The following ZNF423 variants were observed in gnomAD, a reference collection of about 807,000 sequenced individuals.
ZNF423 encodes the protein Ebf-associated zinc finger protein.
Under a neutral mutation model 95.8 loss-of-function variants are expected in ZNF423, and 12 were observed. The observed-to-expected ratio is 0.13, with a 90% CI of 0.08 to 0.20. ZNF423 has a LOEUF of 0.20. Among genes scored for constraint, ZNF423 ranks in the 10% least tolerant of loss-of-function variants. The pLI is 1.00. For missense variants in ZNF423, 1,316 were observed against 1,737.1 expected, an observed-to-expected ratio of 0.76 and a Z score of 4.31; for synonymous variants, 749 against 711.9, an observed-to-expected ratio of 1.05 and a Z score of -0.83.
chr16:49,561,915 C>T (rs1171578077), intron 5 of ZNF423, among the ~76,000 whole-genome samples: 2 of 152,136 alleles, frequency 1.3e-5, no homozygotes, highest in Non-Finnish European at 1.5e-5. Flanking sequence ...GCTTTGAGGG[C>T]TGATTGACAA....
upstream of ZNF423, chr16:49,857,709 T>A (rs1408977419): frequency 6.6e-6 from 1 of 152,330 alleles, no homozygotes; most frequent in South Asian, 2.1e-4. The surrounding 1 kb of genome is among the most constrained non-coding windows in gnomAD (Gnocchi z 6.2). Flanking sequence ...GGTGTGCACT[T>A]CCTCTGTCCG....
chr16:49,495,051 G>T (rs1967106723), intron 7 of ZNF423, among the ~76,000 whole-genome samples: 1 of 152,234 alleles, frequency 6.6e-6, no homozygotes, highest in South Asian at 2.1e-4. Context: ...AAGGCTGGGG[G>T]TGGAGACAGG....
chr16:49,560,597 G>C (rs1465796098), intron 5 of ZNF423, among the ~76,000 whole-genome samples: 3 of 152,198 alleles, frequency 2.0e-5, no homozygotes, highest in Non-Finnish European at 2.9e-5. Context: ...GTGTGGGAAG[G>C]AATATGAATG....
intron 7 of ZNF423, among the ~76,000 whole-genome samples, chr16:49,521,151 C>A (rs1286622346): frequency 6.6e-6 from 1 of 152,164 alleles, no homozygotes; most frequent in East Asian, 1.9e-4. Context: ...GCCCCCAGCC[C>A]AGTGACACCA....
At chr16:49,843,252 G>A (rs1207268002) in intron 1 of ZNF423, among the ~76,000 whole-genome samples, 1 of 152,112 alleles carries the variant, frequency 6.6e-6, no homozygotes, top group African/African-American at 2.4e-5. Context: ...GCAAAAAACT[G>A]GAAGCAACTA....
At chr16:49,627,671 C>T (rs566119339) in intron 4 of ZNF423, among the ~76,000 whole-genome samples, 4 of 150,570 alleles carry the variant, frequency 2.7e-5, no homozygotes, top group African/African-American at 9.8e-5. Flanking sequence ...CACACACATA[C>T]CCATATACCC....
At chr16:49,627,955 C>CCCAT (rs1384641125) in intron 4 of ZNF423, among the ~76,000 whole-genome samples, 1 of 150,726 alleles carries the variant, frequency 6.6e-6, no homozygotes, top group Non-Finnish European at 1.5e-5. Flanking sequence ...CCTCCATCTA[C>CCCAT]CCATCCATCC....
chr16:49,786,491 C>G (rs896180435), intron 2 of ZNF423, among the ~76,000 whole-genome samples: 1 of 152,268 alleles, frequency 6.6e-6, no homozygotes, highest in African/African-American at 2.4e-5. Flanking sequence ...CCTTACAGCT[C>G]TCCCTTCCTC....
intron 5 of ZNF423, among the ~76,000 whole-genome samples, chr16:49,546,572 A>C (rs564581496): frequency 6.6e-6 from 1 of 152,342 alleles, no homozygotes; most frequent in East Asian, 1.9e-4. Context: ...TGAGACTTCC[A>C]TTACAAAGTT....
At chr16:49,724,519 CA>C (rs1254752310) in intron 3 of ZNF423, among the ~76,000 whole-genome samples, 4 of 152,208 alleles carry the variant, frequency 2.6e-5, no homozygotes, top group Admixed American at 2.6e-4. Context: ...AAAACAGAGC[CA>C]GTTCGAGGAG....
At chr16:49,812,510 C>T (rs1485406204) in intron 1 of ZNF423, among the ~76,000 whole-genome samples, 2 of 152,126 alleles carry the variant, frequency 1.3e-5, no homozygotes, top group East Asian at 3.9e-4. Context: ...GCCCAGGCAA[C>T]ATGATGAGCA....
chr16:49,623,959 A>G (rs1255904271), intron 5 of ZNF423, among the ~76,000 whole-genome samples: 1 of 152,082 alleles, frequency 6.6e-6, no homozygotes, highest in African/African-American at 2.4e-5. Flanking sequence ...CTTAAACAAA[A>G]CCTTGATGGC....
chr16:49,634,599 C>T (rs994303910), intron 4 of ZNF423, among the ~76,000 whole-genome samples: 11 of 152,166 alleles, frequency 7.2e-5, no homozygotes, highest in Non-Finnish European at 1.5e-4. Flanking sequence ...GTGTCCCAGC[C>T]GGTGCCTATG....
chr16:49,785,597 CT>C (rs566831606), intron 2 of ZNF423, among the ~76,000 whole-genome samples: 2 of 152,292 alleles, frequency 1.3e-5, no homozygotes, highest in East Asian at 3.9e-4. Flanking sequence ...AGCTTTCTGG[CT>C]TTTCTTTTAA....
At chr16:49,649,433 T>C (rs2151901752) in intron 3 of ZNF423, among the ~76,000 whole-genome samples, 1 of 152,250 alleles carries the variant, frequency 6.6e-6, no homozygotes, top group East Asian at 1.9e-4. Context: ...AGGTGGTAGG[T>C]ATCCCAGCTC....
intron 5 of ZNF423, among the ~76,000 whole-genome samples, chr16:49,557,756 C>A (rs1390229977): frequency 6.6e-6 from 1 of 152,190 alleles, no homozygotes; most frequent in Non-Finnish European, 1.5e-5. Flanking sequence ...TGGTAGAAGG[C>A]CTCCTCCCAC....
intron 5 of ZNF423, among the ~76,000 whole-genome samples, chr16:49,549,133 G>C (rs1000581085): frequency 6.6e-6 from 1 of 152,232 alleles, no homozygotes; most frequent in Non-Finnish European, 1.5e-5. Context: ...GAAATGCTCA[G>C]ATGGTGGCAG....
chr16:49,596,925 A>G (rs1265720128), intron 5 of ZNF423, among the ~76,000 whole-genome samples: 1 of 152,240 alleles, frequency 6.6e-6, no homozygotes, highest in Non-Finnish European at 1.5e-5. Context: ...ATTCTGTTCC[A>G]GCAAGGGGCA....
chr16:49,783,639 A>C (rs578140038), intron 2 of ZNF423, among the ~76,000 whole-genome samples: 1 of 150,882 alleles, frequency 6.6e-6, no homozygotes, highest in Non-Finnish European at 1.5e-5. Context: ...AGGGGGGGTT[A>C]GGGTTAGGGC....
Sources: allele counts gnomAD v4.1 joint callset (sites outside exome capture counted in the v4.1 genomes callset), GRCh38; gene constraint gnomAD v4.1.1; non-coding constraint Gnocchi (gnomAD v3.1); transcripts MANE v1.5; gene names NCBI Gene and HGNC (gene_info 2026-07-23, HGNC 2026-07-21).